Variants in GLT8D2 observed in about 807,000 individuals in gnomAD.
GLT8D2 encodes glycosyltransferase 8 domain-containing protein 2.
Under a neutral mutation model 44.5 loss-of-function variants are expected in GLT8D2, and 45 were observed. The observed-to-expected ratio is 1.01, with a 90% CI of 0.80 to 1.30. The LOEUF is 1.30. Among genes scored for constraint, GLT8D2 ranks in the 50% most tolerant of loss-of-function variants. GLT8D2 has a pLI of 0.00. For missense variants in GLT8D2, 400 were observed against 430.4 expected, an observed-to-expected ratio of 0.93 and a Z score of 0.62; for synonymous variants, 156 against 157.2, an observed-to-expected ratio of 0.99 and a Z score of 0.06.
chr12:104,003,656 A>G (rs1874556613), intron 4 of GLT8D2, among the ~76,000 whole-genome samples: 2 of 152,116 alleles, frequency 1.3e-5, no homozygotes, highest in Non-Finnish European at 2.9e-5. Flanking sequence ...GACTGTTGAT[A>G]TGATGGTGGG....
chr12:104,000,513 T>C (rs1179825952), intron 5 of GLT8D2, among the ~76,000 whole-genome samples: 1 of 152,188 alleles, frequency 6.6e-6, no homozygotes, highest in Non-Finnish European at 1.5e-5. Context: ...TACAATTTTC[T>C]GTTTTGGGAT....
At chr12:104,005,663 C>G (rs967852775) in intron 4 of GLT8D2, among the ~76,000 whole-genome samples, 1 of 152,158 alleles carries the variant, frequency 6.6e-6, no homozygotes, top group Non-Finnish European at 1.5e-5. Flanking sequence ...CAGAGAAATG[C>G]AAATCAAAAC....
chr12:104,021,924 GAAGAAGAAGAA>G (rs1877774877), intron 1 of GLT8D2, among the ~76,000 whole-genome samples: 1 of 27,264 alleles, frequency 3.7e-5, no homozygotes, highest in African/African-American at 1.5e-4. Flanking sequence ...AGAAGAAGAA[GAAGAAGAAGAA>G]GAAGAAGAAG....
chr12:104,001,829 C>T (rs1874259025), intron 5 of GLT8D2, among the ~76,000 whole-genome samples: 1 of 152,062 alleles, frequency 6.6e-6, no homozygotes, highest in South Asian at 2.1e-4. Flanking sequence ...TCAGCCTCCC[C>T]AGTAGCTAGG....
At chr12:104,039,942 T>G (rs1348947933) in intron 1 of GLT8D2, among the ~76,000 whole-genome samples, 1 of 152,212 alleles carries the variant, frequency 6.6e-6, no homozygotes, top group Non-Finnish European at 1.5e-5. Flanking sequence ...GTGGCACATA[T>G]ACACCATGGA....
chr12:104,001,069 C>A (rs1334782232), intron 5 of GLT8D2, among the ~76,000 whole-genome samples: 1 of 152,178 alleles, frequency 6.6e-6, no homozygotes, highest in African/African-American at 2.4e-5. Context: ...AGTTCTTTTT[C>A]TTCACAGAAA....
In GLT8D2 at chr12:103,999,421, T is replaced by A. The variant is rs1873910049; in HGVS notation, c.378A>T (p.Ser126=). Residue 126 remains serine, a synonymous_variant, in exon 6 of 11, where the codon TCA becomes TCT. Transcript: ENST00000360814. The part of the protein sequence containing the change: ...MVLKGKIRPD[S]SRPELLQPLN... ...CAGGCTGGAGCAATTCAGGCCTCGATGAGTCTGGTCTGATCTTCCCTTTGA... is the reference window on the plus strand; with the variant it reads ...CAGGCTGGAGCAATTCAGGCCTCGAAGAGTCTGGTCTGATCTTCCCTTTGA... 3 of 1,610,110 alleles carry A rather than the reference T, an allele frequency of 1.9e-6. No individual in the cohort carries two copies. The highest frequency in any genetic ancestry group is 1.1e-5 in the South Asian group (1 of 90,974).
At chr12:103,991,823 T>TAAAAAAAAAAAAAAAAAAAAAAAAAAAAA (rs11340919) in intron 10 of GLT8D2, among the ~76,000 whole-genome samples, 1 of 123,202 alleles carries the variant, frequency 8.1e-6, no homozygotes. Context: ...TTACGTCCTT[T>TAAAAAAAAAAAAAAAAAAAAAAAAAAAAA]AAAAAAAAAA....
intron 4 of GLT8D2, among the ~76,000 whole-genome samples, chr12:104,008,734 G>A (rs1023781184): frequency 4.6e-5 from 7 of 152,212 alleles, no homozygotes; most frequent in Admixed American, 6.5e-5. Context: ...TGGTTTTGTG[G>A]TCTGGGCCCA....
chr12:104,064,315 C>T (rs1453148693), upstream of GLT8D2: 3 of 409,406 alleles, frequency 7.3e-6, no homozygotes, highest in Admixed American at 4.5e-5. This position sits in a 1 kb window ranked among gnomAD's most constrained non-coding sequence, Gnocchi z 7.3. Flanking sequence ...GGGAAGCGTC[C>T]TTCCACCCTA....
At chr12:104,051,104 T>G (rs2583228), upstream of GLT8D2, among the ~76,000 whole-genome samples, 123,541 of 151,704 alleles carry the variant, frequency 0.81, 50,520 homozygotes, top group Admixed American at 0.86. Flanking sequence ...GTGAGCCACC[T>G]CATCCGGCCA....
intron 1 of GLT8D2, among the ~76,000 whole-genome samples, chr12:104,022,042 AAG>A (rs1185411277): frequency 7.6e-5 from 10 of 131,022 alleles, no homozygotes; most frequent in East Asian, 4.5e-4. Flanking sequence ...GAAGAAGAAG[AAG>A]AAGAAGAAGA....
intron 1 of GLT8D2, among the ~76,000 whole-genome samples, chr12:104,022,058 GAAAGAAAGAAAGAAAGAAAAAA>G (rs1177333186): frequency 2.4e-5 from 2 of 82,194 alleles, no homozygotes; most frequent in Admixed American, 1.2e-4. Context: ...AAGAAGAAGG[GAAAGAAAGAAAGAAAGAAAAAA>G]AAAGAAAGAA....
intron 1 of GLT8D2, chr12:104,029,820 C>G (rs117099981): frequency 6.6e-6 from 1 of 152,126 alleles, no homozygotes; most frequent in Non-Finnish European, 1.5e-5. Context: ...GCAGACAATT[C>G]TATTAGATCT....
chr12:104,039,664 G>A (rs1428568416), intron 1 of GLT8D2, among the ~76,000 whole-genome samples: 2 of 152,232 alleles, frequency 1.3e-5, no homozygotes, highest in African/African-American at 4.8e-5. Context: ...TGGAGAGGAT[G>A]TGGAGAAATA....
intron 3 of GLT8D2, among the ~76,000 whole-genome samples, chr12:104,016,713 A>AAGGG (rs1876692442): frequency 3.1e-5 from 1 of 32,494 alleles, no homozygotes; most frequent in African/African-American, 1.0e-4. Context: ...GGGAGAGAGA[A>AAGGG]AGAAAGAAAG....
chr12:104,021,893 A>G (rs146333524), intron 1 of GLT8D2, among the ~76,000 whole-genome samples: 782 of 10,530 alleles, frequency 0.074, 24 homozygotes, highest in South Asian at 0.28. Context: ...AAGAAGAAGA[A>G]GAAGAAGAAG....
rs76832978 is a variant in GLT8D2 at position 104,049,002 on chromosome 12, T to G, written c.-164+893A>C. 2.9e-3 allele frequency among the ~76,000 whole-genome samples: 442 copies of G among 152,328 alleles called. 3 individuals are homozygous for G. The highest frequency in any genetic ancestry group is 0.01 in the African/African-American group (423 of 41,570). ...ACCCCAGAGCCTATGTTCTTACCAC[T>G]GCATTGCACAGTCTACTTCCAAGTG... On this transcript the variant is annotated intron_variant, in intron 1 of 10. Transcript: ENST00000360814.
At position 104,002,972 on chromosome 12, in the gene GLT8D2, C is replaced by CAG. The variant is rs879833080; in HGVS notation, c.284+161_284+162dup. Among the ~76,000 whole-genome samples the CAG allele has an allele frequency of 6.0e-4, 83 of 138,256 alleles. 1 individual carries two copies. Among genetic ancestry groups the CAG allele is most frequent in the East Asian group, 5.3e-3 (25 of 4,682 alleles). 90.7% of individuals were successfully genotyped at this position (138,256 alleles called of 152,430 possible). A position where few individuals can be genotyped will look rare whatever the true frequency, so the allele number is the denominator to read the frequency against. On this transcript the variant is annotated intron_variant, in intron 5 of 10. Transcript: ENST00000360814. ...AAAGAAAGAGAGAAAGAGAGAAAGACAGAGAGAGAGAGAGAGACAGAAAGA... is the reference window on the plus strand; with the variant it reads ...AAAGAAAGAGAGAAAGAGAGAAAGACAGAGAGAGAGAGAGAGAGACAGAAAGA...
Sources: gnomAD v4.1 joint callset for allele counts (sites outside exome capture counted in the v4.1 genomes callset) on GRCh38, gnomAD v4.1.1 for gene constraint, Gnocchi (gnomAD v3.1) non-coding constraint, MANE v1.5 for transcripts, NCBI Gene and HGNC (gene_info 2026-07-23, HGNC 2026-07-21) for gene names.